Variants in CSNK2A2IP observed in about 807,000 individuals in gnomAD.
CSNK2A2IP encodes casein kinase II subunit alpha'-interacting protein.
chr3:88,435,713 G>T, the CSNK2A2IP span, among the ~76,000 whole-genome samples: 1 of 152,076 alleles, frequency 6.6e-6, no homozygotes, highest in African/African-American at 2.4e-5. Context: ...ACAGCTTAAA[G>T]TCAAACAGAA....
At chr3:88,385,815 A>AT in the CSNK2A2IP span, among the ~76,000 whole-genome samples, 3 of 152,118 alleles carry the variant, frequency 2.0e-5, no homozygotes, top group Non-Finnish European at 4.4e-5. Flanking sequence ...TTATAAGGTG[A>AT]TTTTTTTAAG....
chr3:88,443,618 A>G, the CSNK2A2IP span, among the ~76,000 whole-genome samples: 122,032 of 151,976 alleles, frequency 0.8, 49,895 homozygotes, highest in Non-Finnish European at 0.88. Context: ...GTCCAGAGGG[A>G]AAGTCCAAAA....
chr3:88,396,842 C>T, the CSNK2A2IP span, among the ~76,000 whole-genome samples: 11 of 151,974 alleles, frequency 7.2e-5, no homozygotes, highest in African/African-American at 1.2e-4. Flanking sequence ...GACAGTTAAG[C>T]GGGTACAGCA....
the CSNK2A2IP span, among the ~76,000 whole-genome samples, chr3:88,404,791 T>C: frequency 1.3e-5 from 2 of 151,176 alleles, no homozygotes; most frequent in African/African-American, 4.8e-5. Flanking sequence ...CCTTCATTTA[T>C]TCCTTTAGAT....
chr3:88,462,331 G>A, the CSNK2A2IP span, among the ~76,000 whole-genome samples: 9 of 152,056 alleles, frequency 5.9e-5, no homozygotes, highest in Non-Finnish European at 8.8e-5. Context: ...AGAATAGTCT[G>A]TAGTATATTG....
the CSNK2A2IP span, among the ~76,000 whole-genome samples, chr3:88,441,277 C>G: frequency 1.7e-4 from 26 of 152,094 alleles, no homozygotes; most frequent in African/African-American, 5.3e-4. Context: ...GTCTGGAAGA[C>G]AAGTGTGTCT....
chr3:88,364,383 T>A, the CSNK2A2IP span, among the ~76,000 whole-genome samples: 5 of 152,010 alleles, frequency 3.3e-5, no homozygotes, highest in Non-Finnish European at 7.4e-5. Context: ...TTTAAATATT[T>A]AAAAATATTG....
At chr3:88,419,162 G>C in the CSNK2A2IP span, among the ~76,000 whole-genome samples, 1 of 152,108 alleles carries the variant, frequency 6.6e-6, no homozygotes, top group African/African-American at 2.4e-5. Flanking sequence ...ATATTACAAT[G>C]TAATAATAAT....
At chr3:88,416,175 G>A in the CSNK2A2IP span, among the ~76,000 whole-genome samples, 2 of 151,590 alleles carry the variant, frequency 1.3e-5, no homozygotes, top group African/African-American at 2.4e-5. Flanking sequence ...GGAGGCTGAG[G>A]CAGGAGAAAA....
the CSNK2A2IP span, among the ~76,000 whole-genome samples, chr3:88,426,041 G>A: frequency 1.3e-5 from 2 of 152,102 alleles, no homozygotes; most frequent in African/African-American, 2.4e-5. Context: ...CAGTTTCATG[G>A]TAAGCATTCT....
At chr3:88,465,189 T>C in the CSNK2A2IP span, 10 of 407,840 alleles carry the variant, frequency 2.5e-5, no homozygotes, top group African/African-American at 4.1e-5. Context: ...CACTTCAATT[T>C]TGGAATAGTC....
At chr3:88,385,778 T>C in the CSNK2A2IP span, among the ~76,000 whole-genome samples, 1 of 152,200 alleles carries the variant, frequency 6.6e-6, no homozygotes. Context: ...GTCTATTCCA[T>C]TCTAGCAGGA....
At chr3:88,353,820 G>C in the CSNK2A2IP span, among the ~76,000 whole-genome samples, 1 of 152,128 alleles carries the variant, frequency 6.6e-6, no homozygotes, top group Non-Finnish European at 1.5e-5. Flanking sequence ...TTGAAATCTT[G>C]ACTTTTGTAT....
the CSNK2A2IP span, among the ~76,000 whole-genome samples, chr3:88,395,787 C>T: frequency 6.6e-6 from 1 of 152,094 alleles, no homozygotes; most frequent in South Asian, 2.1e-4. Context: ...CATAAATTTT[C>T]TTTGAGTTTT....
the CSNK2A2IP span, among the ~76,000 whole-genome samples, chr3:88,399,329 C>T: frequency 1.3e-5 from 2 of 152,132 alleles, no homozygotes; most frequent in Admixed American, 1.3e-4. Flanking sequence ...AATACATCAT[C>T]TACCTTCTAA....
the CSNK2A2IP span, among the ~76,000 whole-genome samples, chr3:88,405,897 G>C: frequency 6.6e-6 from 1 of 151,958 alleles, no homozygotes; most frequent in East Asian, 1.9e-4. Flanking sequence ...AAGCATTCTA[G>C]TATCAACTTT....
chr3:88,444,478 G>GA, the CSNK2A2IP span, among the ~76,000 whole-genome samples: 2 of 152,146 alleles, frequency 1.3e-5, no homozygotes, highest in African/African-American at 4.8e-5. Context: ...GTCATAACAA[G>GA]AAAACTAATA....
the CSNK2A2IP span, among the ~76,000 whole-genome samples, chr3:88,377,313 CT>C: frequency 1.7e-4 from 26 of 151,912 alleles, no homozygotes; most frequent in East Asian, 3.9e-3. Flanking sequence ...GATTTGTGAA[CT>C]TTGGTATTTT....
chr3:88,454,969 G>A, the CSNK2A2IP span, among the ~76,000 whole-genome samples: 1 of 150,274 alleles, frequency 6.7e-6, no homozygotes, highest in African/African-American at 2.4e-5. Flanking sequence ...TCACATATAA[G>A]TGAGATCATG....
Sources: allele counts gnomAD v4.1 joint callset (sites outside exome capture counted in the v4.1 genomes callset), GRCh38; gene constraint gnomAD v4.1.1; transcripts MANE v1.5; gene names NCBI Gene and HGNC (gene_info 2026-07-23, HGNC 2026-07-21).